The following PHF20 variants were observed in gnomAD, a reference collection of about 807,000 sequenced individuals.
PHF20 encodes PHD finger protein 20.
PHF20 carries 23 observed loss-of-function variants against 113.5 expected under a neutral mutation model. The ratio of observed to expected loss-of-function variants is 0.20; its 90% CI spans 0.15 to 0.29. PHF20 has a LOEUF of 0.29. Ranked by LOEUF, PHF20 falls within the 10% of genes least tolerant of loss-of-function variation. The pLI is 1.00. For missense variants in PHF20, 943 were observed against 1,219.6 expected (o/e 0.77, Z 3.38); for synonymous variants, 434 against 457.3 (o/e 0.95, Z 0.65).
At chr20:35,810,808 G>T (rs909348761) in intron 2 of PHF20, among the ~76,000 whole-genome samples, 5 of 152,144 alleles carry the variant, frequency 3.3e-5, no homozygotes, top group African/African-American at 1.2e-4. Flanking sequence ...ACATTTAATT[G>T]TTTGGTAAAA....
chr20:35,814,886 A>ATAAAT (rs201392541), intron 2 of PHF20, among the ~76,000 whole-genome samples: 2 of 146,054 alleles, frequency 1.4e-5, no homozygotes, highest in African/African-American at 5.1e-5. Context: ...AAAAAAAAAA[A>ATAAAT]AAAATAAAAT....
chr20:35,831,267 C>G (rs1053212016), intron 2 of PHF20, among the ~76,000 whole-genome samples: 3 of 151,956 alleles, frequency 2.0e-5, no homozygotes, highest in Non-Finnish European at 2.9e-5. Flanking sequence ...TCCAGTGATC[C>G]TCTCACCTCA....
chr20:35,947,846 C>T lies in PHF20; in HGVS notation c.*219C>T. 3.8e-6 allele frequency: 2 copies of T among 526,242 alleles called. No homozygotes were observed. The highest frequency in any genetic ancestry group is 5.1e-5 in the South Asian group (2 of 38,978). 32.6% of individuals were successfully genotyped at this position (526,242 alleles called of 1,614,324 possible). On this transcript the variant is annotated 3_prime_UTR_variant, in exon 18 of 18. Transcript: ENST00000374012. ...CTGCCATAAAGGTAGCAAATAGACT[C>T]TTGGGATTCCCCTCTTCTGTGCACA...
At chr20:35,887,638 AT>A (rs1168351208) in intron 9 of PHF20, 2 of 152,122 alleles carry the variant, frequency 1.3e-5, no homozygotes, top group African/African-American at 2.4e-5. Context: ...CCTTCGCCAT[AT>A]TCTGTTAGAG....
chr20:35,818,164 A>G (rs545895395), intron 2 of PHF20, among the ~76,000 whole-genome samples: 1 of 151,964 alleles, frequency 6.6e-6, no homozygotes, highest in South Asian at 2.1e-4. Flanking sequence ...AATCCTAGCT[A>G]CTCAGGAGGC....
chr20:35,778,137 G>A (rs886961247), intron 1 of PHF20, among the ~76,000 whole-genome samples: 4 of 152,084 alleles, frequency 2.6e-5, no homozygotes, highest in Non-Finnish European at 5.9e-5. Context: ...AGGCTGGAGT[G>A]TAGTGGCGCA....
intron 9 of PHF20, among the ~76,000 whole-genome samples, chr20:35,895,804 G>A (rs987837094): frequency 6.7e-6 from 1 of 150,210 alleles, no homozygotes; most frequent in African/African-American, 2.5e-5. Context: ...TCCTGCCTCA[G>A]CCTCCGGAGT....
intron 6 of PHF20, among the ~76,000 whole-genome samples, chr20:35,866,263 A>G (rs1432686255): frequency 6.6e-6 from 1 of 152,154 alleles, no homozygotes. Context: ...TTGCACTCTT[A>G]GTATATTTCT....
At chr20:35,782,999 G>A (rs1452606181) in intron 1 of PHF20, among the ~76,000 whole-genome samples, 1 of 152,030 alleles carries the variant, frequency 6.6e-6, no homozygotes, top group African/African-American at 2.4e-5. Context: ...TTTGAGACCA[G>A]TCCTGGCCAC....
chr20:35,940,712 C>T, intron 16 of PHF20, 152 bp from the exon 17 acceptor site: 1 of 692,276 alleles, frequency 1.4e-6, no homozygotes, highest in Non-Finnish European at 2.4e-6. Flanking sequence ...CAAGCTCCTG[C>T]CCAGTTCCTA....
chr20:35,807,592 A>T (rs1490008043), intron 2 of PHF20, among the ~76,000 whole-genome samples: 1 of 151,976 alleles, frequency 6.6e-6, no homozygotes, highest in Non-Finnish European at 1.5e-5. Context: ...ACCTCAGGTG[A>T]TCTGCTCACC....
rs187073626 is a variant in PHF20 at position 35,880,526 on chromosome 20, A to G, written c.1282+8697A>G. ...TGTGGCCATAAGGTATTTTTTCTGC[A>G]TATATTTTAAAGAAGTTTTTATTTT... On this transcript the variant is annotated intron_variant, in intron 9 of 17. Transcript: ENST00000374012. 4.1e-3 allele frequency among the ~76,000 whole-genome samples: 630 copies of G among 152,288 alleles called. 2 individuals carry two copies. The highest frequency in any genetic ancestry group is 6.8e-3 in the Middle Eastern group (2 of 294).
intron 2 of PHF20, among the ~76,000 whole-genome samples, chr20:35,813,805 C>G (rs980509007): frequency 3.3e-5 from 5 of 151,816 alleles, no homozygotes; most frequent in African/African-American, 1.2e-4. Context: ...TTGCAGTGAG[C>G]CGAGATAGCG....
intron 4 of PHF20, among the ~76,000 whole-genome samples, chr20:35,851,575 C>G (rs545398382): frequency 6.6e-5 from 10 of 152,074 alleles, no homozygotes; most frequent in Middle Eastern, 3.4e-3. Flanking sequence ...TGCTTCCCCC[C>G]CAACCCCCAC....
chr20:35,847,485 G>C (rs1205754384), intron 4 of PHF20, 51 bp downstream of exon 4: 1 of 1,122,276 alleles, frequency 8.9e-7, no homozygotes, highest in East Asian at 2.3e-5. Flanking sequence ...GGTGGTGGGG[G>C]GGGATGTTTG....
intron 2 of PHF20, among the ~76,000 whole-genome samples, chr20:35,822,051 A>T (rs1322331338): frequency 6.6e-6 from 1 of 152,220 alleles, no homozygotes; most frequent in Admixed American, 6.5e-5. Flanking sequence ...GAGATGTTGA[A>T]TGGATAGTTG....
chr20:35,887,489 G>A (rs1204158227), intron 9 of PHF20, among the ~76,000 whole-genome samples: 1 of 152,148 alleles, frequency 6.6e-6, no homozygotes, highest in South Asian at 2.1e-4. Context: ...GTTTTTGCTG[G>A]TGCACTCAGT....
intron 2 of PHF20, chr20:35,801,820 C>CCTGTTCATCTGA (rs2041787106): frequency 2.7e-6 from 1 of 367,528 alleles, no homozygotes; most frequent in African/African-American, 2.1e-5. Flanking sequence ...CCCCCTTTTG[C>CCTGTTCATCTGA]CTGTTCATCT....
chr20:35,785,050 T>TA (rs879858412), intron 1 of PHF20, among the ~76,000 whole-genome samples: 117 of 142,166 alleles, frequency 8.2e-4, no homozygotes, highest in African/African-American at 9.2e-4. Flanking sequence ...GACCCTGTCT[T>TA]AAAAAAAAAA....
Sources: gnomAD v4.1 joint callset for allele counts (sites outside exome capture counted in the v4.1 genomes callset) on GRCh38, gnomAD v4.1.1 for gene constraint, MANE v1.5 for transcripts, NCBI Gene and HGNC (gene_info 2026-07-23, HGNC 2026-07-21) for gene names.